Variants in ME2 observed in about 807,000 individuals in gnomAD.
ME2 encodes NAD-dependent malic enzyme, mitochondrial.
Under a neutral mutation model 73.7 loss-of-function variants are expected in ME2, and 60 were observed. The observed-to-expected ratio is 0.81, with a 90% CI of 0.66 to 1.01. The LOEUF (loss-of-function observed/expected upper bound fraction) is 1.01. Among genes scored for constraint, ME2 ranks in the 50% least tolerant of loss-of-function variants. The pLI is 0.00. For missense variants in ME2, 594 were observed against 705.5 expected, an observed-to-expected ratio of 0.84 and a Z score of 1.79; for synonymous variants, 199 against 236.9, an observed-to-expected ratio of 0.84 and a Z score of 1.47.
chr18:50,908,291 T>C, intron 3 of ME2, 95 bp downstream of exon 3: 1 of 876,390 alleles, frequency 1.1e-6, no homozygotes, highest in Non-Finnish European at 1.7e-6. Context: ...TACACAATCT[T>C]ATATAAGTTT....
Position 50,925,894 on chromosome 18 carries a change from C to T in ME2, c.1310C>T (p.Thr437Ile). The T allele has an allele frequency of 6.2e-7, 1 of 1,600,768 alleles. No homozygotes were observed. Among genetic ancestry groups the T allele is most frequent in the South Asian group, 1.1e-5 (1 of 90,732 alleles). ...ECTAEEAYTL[T>I]EGRCLFASGS... Reference sequence around the variant, plus strand: ...ACGGCTGAAGAAGCATATACACTTACAGAGGTATTAATAATCACATGAATT... The same window carrying T: ...ACGGCTGAAGAAGCATATACACTTATAGAGGTATTAATAATCACATGAATT... The change falls in exon 12 of 16, where the codon ACA becomes ATA. Residue 437 changes from threonine (T) to isoleucine (I), a missense_variant. Thr to Ile is a moderately conservative substitution (Grantham distance 89, BLOSUM62 -1). Transcript: ENST00000321341.
intron 12 of ME2, among the ~76,000 whole-genome samples, chr18:50,927,423 G>A (rs1032453515): frequency 1.3e-5 from 2 of 151,872 alleles, no homozygotes; most frequent in African/African-American, 2.4e-5. Flanking sequence ...CCACAGGGCC[G>A]GGCACGGTGG....
chr18:50,883,048 G>A (rs1335346428), intron 1 of ME2, among the ~76,000 whole-genome samples: 1 of 152,194 alleles, frequency 6.6e-6, no homozygotes, highest in Non-Finnish European at 1.5e-5. Flanking sequence ...GAAGGTCATA[G>A]TTACAACATA....
At chr18:50,939,492 A>C in intron 13 of ME2, 78 bp from the exon 14 acceptor site, 1 of 958,376 alleles carries the variant, frequency 1.0e-6, no homozygotes, top group East Asian at 2.5e-5. Flanking sequence ...ATTACCATTT[A>C]TTTGCCTGAA....
At chr18:50,922,229 T>C (rs1417918259) in intron 10 of ME2, among the ~76,000 whole-genome samples, 1 of 152,266 alleles carries the variant, frequency 6.6e-6, no homozygotes, top group East Asian at 1.9e-4. Context: ...ATAGTAGTTA[T>C]ATACCAGACA....
intron 13 of ME2, among the ~76,000 whole-genome samples, chr18:50,936,038 T>C (rs150936781): frequency 1.3e-5 from 2 of 151,870 alleles, no homozygotes; most frequent in Non-Finnish European, 2.9e-5. Flanking sequence ...CAGAAACCCA[T>C]GTGGGATGCA....
chr18:50,903,877 C>T (rs2144210328), intron 2 of ME2, among the ~76,000 whole-genome samples: 1 of 152,230 alleles, frequency 6.6e-6, no homozygotes, highest in South Asian at 2.1e-4. Context: ...TTTGTATTTC[C>T]CAGCCTTCAA....
At position 50,951,705 on chromosome 18, in the gene ME2, T is replaced by C. The variant is rs12970261; in HGVS notation, c.*4521T>C. 103,580 of 150,978 alleles carry C rather than the reference T, an allele frequency of 0.69. 36,013 individuals are homozygous for C. Among genetic ancestry groups the C allele is most frequent in the African/African-American group, 0.79 (32,701 of 41,156 alleles). 9.4% of individuals were successfully genotyped at this position (150,978 alleles called of 1,614,324 possible). On this transcript the variant is annotated 3_prime_UTR_variant, in exon 16 of 16. Coordinates refer to ENST00000321341, the MANE Select transcript of ME2 (RefSeq NM_002396.5). ...CATCCTGGCTGACACGGTGAAACCC[T>C]GTCTCTACTAAAAATACAAAAACTT...
At chr18:50,912,617 T>C (rs1917182599) in intron 3 of ME2, among the ~76,000 whole-genome samples, 184 bp from the exon 4 acceptor site, 1 of 152,240 alleles carries the variant, frequency 6.6e-6, no homozygotes, top group Non-Finnish European at 1.5e-5. Context: ...TACCCTCATA[T>C]TTTTGTTAAT....
intron 13 of ME2, chr18:50,934,706 T>C (rs146649338): frequency 6.6e-6 from 1 of 152,208 alleles, no homozygotes; most frequent in Non-Finnish European, 1.5e-5. Context: ...AGCAGGAGGA[T>C]TGGCTGAAAG....
chr18:50,925,856 A>G lies in ME2; in HGVS notation c.1272A>G (p.Ala424=), dbSNP rs1346691182. The G allele has an allele frequency of 1.2e-6, 2 of 1,611,492 alleles. No homozygotes were observed. The highest frequency in any genetic ancestry group is 8.5e-7 in the Non-Finnish European group (1 of 1,177,724). ...TATTTGCATTAAGTAATCCTACAGC[A>G]CAGGCAGAGTGCACGGCTGAAGAAG... ...PVIFALSNPT[A]QAECTAEEAY... is the part of the protein sequence containing the mutation. The change falls in exon 12 of 16, where the codon GCA becomes GCG. Residue 424 remains alanine, a synonymous_variant. Coordinates refer to ENST00000321341, the MANE Select transcript of ME2 (RefSeq NM_002396.5).
At chr18:50,936,948 A>G (rs1181267448) in intron 13 of ME2, among the ~76,000 whole-genome samples, 3 of 152,194 alleles carry the variant, frequency 2.0e-5, no homozygotes, top group Non-Finnish European at 2.9e-5. Context: ...AATTTAATGT[A>G]GAACGTTGGT....
intron 14 of ME2, 121 bp from the exon 15 acceptor site, chr18:50,940,167 A>C (rs2144267937): frequency 2.8e-6 from 2 of 723,916 alleles, no homozygotes; most frequent in East Asian, 2.6e-5. Flanking sequence ...GTATTCCTTC[A>C]AGAAATAAGA....
intron 1 of ME2, among the ~76,000 whole-genome samples, chr18:50,891,196 A>T (rs1279473479): frequency 6.6e-6 from 1 of 152,234 alleles, no homozygotes; most frequent in African/African-American, 2.4e-5. Context: ...CAATTTTGAG[A>T]CATTCCTATT....
At chr18:50,913,533 A>T (rs1218058084) in intron 4 of ME2, among the ~76,000 whole-genome samples, 2 of 152,028 alleles carry the variant, frequency 1.3e-5, no homozygotes, top group Non-Finnish European at 2.9e-5. Context: ...GGATTTCACC[A>T]TGTTGGCTGG....
intron 15 of ME2, among the ~76,000 whole-genome samples, chr18:50,946,490 G>A (rs1437941997): frequency 6.6e-6 from 1 of 152,210 alleles, no homozygotes; most frequent in Non-Finnish European, 1.5e-5. Flanking sequence ...AGTAAAGGAG[G>A]TATCCTTGTA....
At chr18:50,941,353 C>CTTTTTGTTTTTTTTTTTTTTTTTTT (rs1917952349) in intron 15 of ME2, among the ~76,000 whole-genome samples, 1 of 63,822 alleles carries the variant, frequency 1.6e-5, no homozygotes, top group Non-Finnish European at 2.5e-5. Flanking sequence ...GTGATGGTTT[C>CTTTTTGTTTTTTTTTTTTTTTTTTT]TTTTTTTTTT....
intron 13 of ME2, among the ~76,000 whole-genome samples, chr18:50,937,460 T>C (rs1917843729): frequency 6.6e-6 from 1 of 152,204 alleles, no homozygotes; most frequent in Non-Finnish European, 1.5e-5. Context: ...TTCCAATCAT[T>C]TTCTCTAGTT....
intron 2 of ME2, 150 bp from the exon 3 acceptor site, chr18:50,907,913 C>A: frequency 1.9e-6 from 1 of 538,850 alleles, no homozygotes. Flanking sequence ...CTGACCAATA[C>A]TGACATCAGT....
Sources: allele counts gnomAD v4.1 joint callset (sites outside exome capture counted in the v4.1 genomes callset), GRCh38; gene constraint gnomAD v4.1.1; transcripts MANE v1.5; gene names NCBI Gene and HGNC (gene_info 2026-07-23, HGNC 2026-07-21).